CNDP2: variants seen among roughly 807,000 people sequenced by gnomAD.
CNDP2 encodes cytosolic non-specific dipeptidase.
Under a neutral mutation model 55.0 loss-of-function variants are expected in CNDP2, and 38 were observed. The observed-to-expected ratio is 0.69, with a 90% CI of 0.53 to 0.90. CNDP2 has a LOEUF of 0.90. CNDP2 is among the 40% of genes least tolerant of loss of function. The probability of loss-of-function intolerance (pLI) is 0.00; values close to 1 mark genes in which losing one functional copy is unlikely to be tolerated. For synonymous variants in CNDP2, 241 were observed against 260.2 expected, an observed-to-expected ratio of 0.93 and a Z score of 0.71; for missense variants, 607 against 621.7, an observed-to-expected ratio of 0.98 and a Z score of 0.25.
In CNDP2 at chr18:74,499,952, C is replaced by A. The variant is rs371400215; in HGVS notation, c.-22C>A. The stretch of plus-strand genomic sequence containing the variant: ...TCCTTCCAAGAACCTTCGAGATCTG[C>A]GGTCTGGGGTCTGGTTGAAAGATGG... On this transcript the variant is annotated 5_prime_UTR_variant, in exon 2 of 12. Transcript: ENST00000324262. 6.5e-5 allele frequency: 105 copies of A among 1,612,212 alleles called. 3 individuals are homozygous for A. The African/African-American group carries it at 1.1e-3, about 18-fold the overall frequency.
chr18:74,512,161 C>A, intron 6 of CNDP2: 1 of 342,288 alleles, frequency 2.9e-6, no homozygotes, highest in South Asian at 3.9e-5. Context: ...TGTTAAACTT[C>A]TAGCAAAGGC....
intron 9 of CNDP2, 106 bp from the exon 10 acceptor site, chr18:74,518,393 T>C (rs1979832882): frequency 1.5e-6 from 2 of 1,346,570 alleles, no homozygotes; most frequent in Non-Finnish European, 2.1e-6. Context: ...CAGAGGCCGA[T>C]TGTAAGCTCG....
rs1206452293 is a variant in CNDP2, at chr18:74,501,413, G to T, written c.145G>T (p.Ala49Ser). ...AATCAGGAGGATGATGGAAGTTGCT[G>T]CTGCAGATGTTAAGCAGTTGGGGGG... ...GEIRRMMEVAAADVKQLGGSV... is the reference protein window; with the variant it reads ...GEIRRMMEVASADVKQLGGSV... Residue 49 changes from alanine (A) to serine (S), a missense_variant, in exon 3 of 12, where the codon GCT (alanine) becomes TCT (serine). Physicochemically the swap from Ala to Ser is moderately conservative, Grantham distance 99 (BLOSUM62 1). Coordinates refer to ENST00000324262, the MANE Select transcript of CNDP2 (RefSeq NM_018235.3). The T allele has an allele frequency of 1.2e-6, 2 of 1,614,184 alleles. No individual in the cohort carries two copies. The highest frequency in any genetic ancestry group is 1.7e-6 in the Non-Finnish European group (2 of 1,180,018).
At chr18:74,516,538 C>T (rs1979680078) in intron 9 of CNDP2, 146 bp downstream of exon 9, 2 of 782,756 alleles carry the variant, frequency 2.6e-6, no homozygotes, top group African/African-American at 1.7e-5. Context: ...TTATGACAGT[C>T]ACGGTTCAGA....
At chr18:74,512,592 G>T in intron 7 of CNDP2, 60 bp downstream of exon 7, 1 of 1,428,816 alleles carries the variant, frequency 7.0e-7, no homozygotes, top group East Asian at 2.3e-5. Flanking sequence ...GTGACTTCCA[G>T]GCTGTCTGTC....
chr18:74,510,085 G>T (rs1390819764), intron 5 of CNDP2, among the ~76,000 whole-genome samples: 1 of 152,236 alleles, frequency 6.6e-6, no homozygotes, highest in South Asian at 2.1e-4. Context: ...GGGCAACCAA[G>T]TGTGACAGGT....
rs139184416 is a variant in CNDP2 at position 74,520,020 on chromosome 18, C to G, written c.1380C>G (p.Thr460=). The G allele has an allele frequency of 1.4e-4, 221 of 1,614,064 alleles. 2 individuals are homozygous for G. In the African/African-American group the frequency reaches 2.7e-3, roughly 19 times the overall value. The change falls in exon 12 of 12, where the codon ACC becomes ACG. Residue 460 remains threonine, a synonymous_variant. Coordinates refer to ENST00000324262, the MANE Select transcript of CNDP2 (RefSeq NM_018235.3). ...KLNRYNYIEG[T]KMLAAYLYEV... ...CCAGGTATAACTACATAGAGGGAACCAAGATGCTGGCCGCGTACCTGTATG... is the reference window on the plus strand; with the variant it reads ...CCAGGTATAACTACATAGAGGGAACGAAGATGCTGGCCGCGTACCTGTATG...
chr18:74,513,156 G>T (rs1979450652), intron 7 of CNDP2, among the ~76,000 whole-genome samples: 1 of 152,252 alleles, frequency 6.6e-6, no homozygotes, highest in Non-Finnish European at 1.5e-5. Flanking sequence ...GGCACATGGG[G>T]CAGTGTGGTG....
intron 8 of CNDP2, among the ~76,000 whole-genome samples, chr18:74,514,080 G>A (rs759220320): frequency 2.4e-4 from 36 of 152,186 alleles, no homozygotes; most frequent in Non-Finnish European, 7.3e-5. Flanking sequence ...TGTGCCGAAC[G>A]TTTACCTAAC....
chr18:74,519,512 G>T (rs1979929470), intron 11 of CNDP2, among the ~76,000 whole-genome samples: 1 of 152,196 alleles, frequency 6.6e-6, no homozygotes, highest in African/African-American at 2.4e-5. Context: ...GAGCAGGAGG[G>T]GCCCACCAGG....
intron 5 of CNDP2, 174 bp downstream of exon 5, chr18:74,509,102 A>G: frequency 1.8e-6 from 1 of 559,420 alleles, no homozygotes; most frequent in Non-Finnish European, 3.2e-6. Context: ...TTTGTTTTCC[A>G]GCTTTAGGAA....
rs1979486850 is a variant in CNDP2 at position 74,513,664 on chromosome 18, A to G, written c.848A>G (p.Asp283Gly). 2 of 1,614,090 alleles carry G rather than the reference A, an allele frequency of 1.2e-6. No homozygotes were observed. The highest frequency in any genetic ancestry group is 1.6e-4 in the Middle Eastern group (1 of 6,062). Residue 283 changes from aspartate (D) to glycine (G), a missense_variant, in exon 8 of 12, where the codon GAC (aspartate) becomes GGC (glycine). Physicochemically the swap from Asp to Gly is moderately conservative, Grantham distance 94. Transcript: ENST00000324262. ...AAGCTGTACGACGACATCGACTTTG[A>G]CATAGAGGAGTTTGCCAAGGATGTG... ...EHKLYDDIDF[D>G]IEEFAKDVGA...
chr18:74,513,140 TA>T (rs1979450083), intron 7 of CNDP2, among the ~76,000 whole-genome samples: 1 of 152,226 alleles, frequency 6.6e-6, no homozygotes, highest in South Asian at 2.1e-4. Flanking sequence ...GAATGCGCAT[TA>T]AAAAGGCACA....
chr18:74,506,115 TTTTA>T (rs1375831235), intron 4 of CNDP2, 104 bp downstream of exon 4: 3 of 990,944 alleles, frequency 3.0e-6, no homozygotes, highest in African/African-American at 3.4e-5. Flanking sequence ...TTTTATTTTA[TTTTA>T]TTTATTTTAT....
chr18:74,506,083 T>C (rs1359992864), intron 4 of CNDP2, 72 bp downstream of exon 4: 3 of 1,421,600 alleles, frequency 2.1e-6, no homozygotes, highest in Non-Finnish European at 2.8e-6. Context: ...TAGTCCGTTT[T>C]TCTGTTTCCA....
chr18:74,514,480 TG>T (rs1599069881), intron 8 of CNDP2, among the ~76,000 whole-genome samples: 2 of 144,634 alleles, frequency 1.4e-5, no homozygotes, highest in East Asian at 4.0e-4. Context: ...TTATGTGGTA[TG>T]GATGTAAGTT....
At chr18:74,511,151 C>G in intron 6 of CNDP2, 138 bp downstream of exon 6, 1 of 692,962 alleles carries the variant, frequency 1.4e-6, no homozygotes, top group South Asian at 1.9e-5. Flanking sequence ...CCCCAATTCC[C>G]AGCTTCCATA....
chr18:74,515,348 C>T (rs1218999405), intron 8 of CNDP2, among the ~76,000 whole-genome samples: 2 of 152,122 alleles, frequency 1.3e-5, no homozygotes, highest in African/African-American at 4.8e-5. Context: ...AGAAGGTCCC[C>T]ACCGGCAGTG....
intron 8 of CNDP2, 129 bp from the exon 9 acceptor site, chr18:74,516,099 T>C (rs1327962172): frequency 9.9e-7 from 1 of 1,005,348 alleles, no homozygotes. Flanking sequence ...TGCCTGTGGT[T>C]GTCAGGCTCC....
Sources: gnomAD v4.1 joint callset for allele counts (sites outside exome capture counted in the v4.1 genomes callset) on GRCh38, gnomAD v4.1.1 for gene constraint, MANE v1.5 for transcripts, NCBI Gene and HGNC (gene_info 2026-07-23, HGNC 2026-07-21) for gene names.